TAFA5: variants seen among roughly 807,000 people sequenced by gnomAD.
TAFA5 encodes TAFA chemokine like family member 5, also known as chemokine-like protein TAFA-5.
TAFA5 carries 6 observed loss-of-function variants against 15.3 expected under a neutral mutation model. That is an observed-to-expected ratio of 0.39 (90% CI 0.21 to 0.77). The LOEUF is 0.77. Among genes scored for constraint, TAFA5 ranks in the 30% least tolerant of loss-of-function variants. TAFA5 has a pLI of 0.41. For synonymous variants in TAFA5, 103 were observed against 80.7 expected (o/e 1.28, Z -1.48); for missense variants, 161 against 193.1 (o/e 0.83, Z 0.98).
rs1930441076 is a variant in TAFA5 at position 48,750,101 on chromosome 22, G to C, written c.*254G>C. 14 of 548,096 alleles carry C rather than the reference G, an allele frequency of 2.6e-5. No homozygotes were observed. Among genetic ancestry groups the C allele is most frequent in the Non-Finnish European group, 4.2e-5 (13 of 307,622 alleles). 34.0% of individuals were successfully genotyped at this position (548,096 alleles called of 1,614,324 possible). A position where few individuals can be genotyped will look rare whatever the true frequency, so the allele number is the denominator to read the frequency against. ...GGCATCAGCAATACGCAGTCTGTGG[G>C]AGCCCGGCCGCGCCCAGCCCCCGCC... On this transcript the variant is annotated 3_prime_UTR_variant, in exon 4 of 4. Coordinates refer to ENST00000402357, the MANE Select transcript of TAFA5 (RefSeq NM_001082967.3).
intron 1 of TAFA5, among the ~76,000 whole-genome samples, chr22:48,533,672 C>T (rs1484917469): frequency 6.6e-6 from 1 of 152,210 alleles, no homozygotes; most frequent in Non-Finnish European, 1.5e-5. Context: ...GCCCCTTTCC[C>T]AACTCGAGGC....
At chr22:48,662,077 T>TA (rs1193839084) in intron 2 of TAFA5, among the ~76,000 whole-genome samples, 2 of 152,130 alleles carry the variant, frequency 1.3e-5, no homozygotes, top group African/African-American at 4.8e-5. Flanking sequence ...TTGTGGCTGA[T>TA]ACCTGCAAAT....
intron 2 of TAFA5, among the ~76,000 whole-genome samples, chr22:48,676,741 T>C (rs982462348): frequency 3.9e-5 from 6 of 152,218 alleles, no homozygotes; most frequent in African/African-American, 1.4e-4. Flanking sequence ...TGCTCATGGC[T>C]TGGACTCTGA....
chr22:48,630,109 CG>C (rs1569055054), intron 1 of TAFA5, among the ~76,000 whole-genome samples: 1 of 151,732 alleles, frequency 6.6e-6, no homozygotes, highest in Non-Finnish European at 1.5e-5. Flanking sequence ...TGGGAGGCTG[CG>C]AATTCTAGAT....
At chr22:48,521,897 G>A (rs181890195) in intron 1 of TAFA5, among the ~76,000 whole-genome samples, 1 of 146,316 alleles carries the variant, frequency 6.8e-6, no homozygotes, top group East Asian at 2.1e-4. Flanking sequence ...AGGGTGTGGA[G>A]GGAGGTGGAG....
In TAFA5 at chr22:48,501,795, C is replaced by A. The variant is rs183156538; in HGVS notation, c.112+12091C>A. 5.2e-3 allele frequency among the ~76,000 whole-genome samples: 794 copies of A among 152,330 alleles called. 4 individuals carry two copies. Among genetic ancestry groups the A allele is most frequent in the African/African-American group, 0.018 (739 of 41,572 alleles). ...CGCTGAGTGTGGCCGCTCTTCTCAG[C>A]CCCTCTCTGTGCCCCGGAGGGTGCA... On this transcript the variant is annotated intron_variant, in intron 1 of 3. Transcript: ENST00000402357.
At chr22:48,496,885 A>C (rs1928344882) in intron 1 of TAFA5, among the ~76,000 whole-genome samples, 1 of 152,172 alleles carries the variant, frequency 6.6e-6, no homozygotes, top group Non-Finnish European at 1.5e-5. Context: ...AGGAAAGAAA[A>C]TACAGAGAAA....
chr22:48,634,155 C>A (rs1926353256), intron 1 of TAFA5, among the ~76,000 whole-genome samples: 1 of 150,640 alleles, frequency 6.6e-6, no homozygotes, highest in Non-Finnish European at 1.5e-5. Context: ...TTTATTCACT[C>A]ACTTATTCAA....
In TAFA5 at chr22:48,542,488, T is replaced by TGC. The variant is rs1569019113; in HGVS notation, c.112+52785_112+52786insCG. Among the ~76,000 whole-genome samples, 219 of 126,888 alleles carry TGC rather than the reference T, an allele frequency of 1.7e-3. 1 individual carries two copies. Among genetic ancestry groups the TGC allele is most frequent in the Non-Finnish European group, 3.1e-3 (191 of 61,316 alleles). The allele number at this position is 126,888 out of a possible 152,430, so 83.2% of individuals were successfully genotyped here. A position where few individuals can be genotyped will look rare whatever the true frequency, so the allele number is the denominator to read the frequency against. ...GTTGTGTATGTGTGTGTGGTGTGTG[T>TGC]GTGGTGTGTGTGCGTGTGTGGCATG... On this transcript the variant is annotated intron_variant, in intron 1 of 3. Transcript: ENST00000402357.
intron 1 of TAFA5, among the ~76,000 whole-genome samples, chr22:48,634,654 CA>C (rs1569057281): frequency 6.7e-6 from 1 of 150,310 alleles, no homozygotes; most frequent in Non-Finnish European, 1.5e-5. Context: ...GTCATTCACT[CA>C]CTCACTCACT....
At chr22:48,563,252 A>G (rs1204223496) in intron 1 of TAFA5, among the ~76,000 whole-genome samples, 1 of 151,858 alleles carries the variant, frequency 6.6e-6, no homozygotes, top group Non-Finnish European at 1.5e-5. Flanking sequence ...CTTCCTGTTT[A>G]TTCTCCAGCG....
chr22:48,507,159 G>A (rs1414411384), intron 1 of TAFA5, among the ~76,000 whole-genome samples: 5 of 107,564 alleles, frequency 4.6e-5, no homozygotes, highest in Non-Finnish European at 7.6e-5. Context: ...GGAGGTGGCC[G>A]CAAAGGGCCA....
At chr22:48,523,225 C>T (rs1355378529) in intron 1 of TAFA5, among the ~76,000 whole-genome samples, 3 of 152,200 alleles carry the variant, frequency 2.0e-5, no homozygotes, top group African/African-American at 4.8e-5. Flanking sequence ...GTGGGCACTT[C>T]GTGGCGCTTG....
intron 1 of TAFA5, among the ~76,000 whole-genome samples, chr22:48,514,937 G>C (rs1024057623): frequency 3.3e-5 from 5 of 152,256 alleles, no homozygotes; most frequent in African/African-American, 1.2e-4. Context: ...CATTTTGGGG[G>C]TGAAAACACA....
In TAFA5 at chr22:48,566,276, A is replaced by C. The variant is rs1453460239; in HGVS notation, c.112+76572A>C. 6.8e-6 allele frequency among the ~76,000 whole-genome samples: 1 copy of C among 146,674 alleles called. No individual in the cohort carries two copies. Among genetic ancestry groups the C allele is most frequent in the Non-Finnish European group, 1.5e-5 (1 of 66,862 alleles). The stretch of plus-strand genomic sequence containing the variant: ...TAGATGGATGATGGGTGATGAATGT[A>C]TGATGGGTGGATGAAAGATGGATGG... On this transcript the variant is annotated intron_variant, in intron 1 of 3. Transcript: ENST00000402357. The surrounding 1 kb of genome is among the most constrained non-coding windows in gnomAD (Gnocchi z 4.5).
intron 2 of TAFA5, among the ~76,000 whole-genome samples, chr22:48,674,963 T>C (rs1927925852): frequency 6.7e-6 from 1 of 149,898 alleles, no homozygotes; most frequent in Admixed American, 6.6e-5. Context: ...TTTTTTGAGA[T>C]GGAGTCTCGC....
chr22:48,592,719 C>T (rs1924616544), intron 1 of TAFA5, among the ~76,000 whole-genome samples: 1 of 152,144 alleles, frequency 6.6e-6, no homozygotes, highest in Admixed American at 6.5e-5. Flanking sequence ...TCTTGCCTGC[C>T]CTCCTGCTCA....
At chr22:48,588,890 A>T (rs35330843) in intron 1 of TAFA5, among the ~76,000 whole-genome samples, 7,613 of 152,206 alleles carry the variant, frequency 0.05, 358 homozygotes, top group African/African-American at 0.12. Context: ...AGAAGAGGTC[A>T]TGGAGCCTTT....
intron 2 of TAFA5, among the ~76,000 whole-genome samples, chr22:48,701,822 T>C (rs1928916169): frequency 6.6e-6 from 1 of 152,162 alleles, no homozygotes; most frequent in African/African-American, 2.4e-5. Flanking sequence ...TGAAACACAG[T>C]CCCAGCCCGC....
Sources: gnomAD v4.1 joint callset for allele counts (sites outside exome capture counted in the v4.1 genomes callset) on GRCh38, gnomAD v4.1.1 for gene constraint, Gnocchi (gnomAD v3.1) non-coding constraint, MANE v1.5 for transcripts, NCBI Gene and HGNC (gene_info 2026-07-23, HGNC 2026-07-21) for gene names.